Variants in ZNF462 observed in about 807,000 individuals in gnomAD.
ZNF462 encodes the protein zinc finger protein 462.
A neutral mutation model predicts 201.9 loss-of-function variants in ZNF462; 10 were observed. The ratio of observed to expected loss-of-function variants is 0.05; its 90% CI spans 0.03 to 0.08. The LOEUF is 0.08. Ranked by LOEUF, ZNF462 falls within the 10% of genes least tolerant of loss-of-function variation. ZNF462 has a pLI of 1.00. For missense variants in ZNF462, 2,523 were observed against 3,168.3 expected, an observed-to-expected ratio of 0.80 and a Z score of 4.89; for synonymous variants, 1,227 against 1,193.3, an observed-to-expected ratio of 1.03 and a Z score of -0.58.
Position 106,993,224 on chromosome 9 carries a change from A to T in ZNF462, c.7056+8815A>T, listed in dbSNP as rs1564159240. ...TGCAAAGGTTATAAACCTCAGGAAC[A>T]TCTGTAAAGATGTCAGACTATATCA... On this transcript the variant is annotated intron_variant, in intron 10 of 12. Coordinates refer to ENST00000277225, the MANE Select transcript of ZNF462 (RefSeq NM_021224.6). This position sits in a 1 kb window ranked among gnomAD's most constrained non-coding sequence, Gnocchi z 4.0. 1.3e-5 allele frequency among the ~76,000 whole-genome samples: 2 copies of T among 152,156 alleles called. No homozygotes were observed. Among genetic ancestry groups the T allele is most frequent in the African/African-American group, 2.4e-5 (1 of 41,452 alleles).
rs1264774582 is a variant in ZNF462 at position 106,913,240 on chromosome 9, G to C, written c.-30-10114G>C. Among the ~76,000 whole-genome samples, 2 of 152,220 alleles carry C rather than the reference G, an allele frequency of 1.3e-5. No individual in the cohort carries two copies. Among genetic ancestry groups the C allele is most frequent in the African/African-American group, 2.4e-5 (1 of 41,448 alleles). On this transcript the variant is annotated intron_variant, in intron 1 of 12. Transcript: ENST00000277225. This position sits in a 1 kb window ranked among gnomAD's most constrained non-coding sequence, Gnocchi z 4.1. ...GTCTCAGTAGTCAGCTAACCACTGTGATGTGGCTTCATTAGCTTCATAAGC... is the reference window on the plus strand; with the variant it reads ...GTCTCAGTAGTCAGCTAACCACTGTCATGTGGCTTCATTAGCTTCATAAGC...
chr9:106,926,352 A>T lies in ZNF462; in HGVS notation c.2440A>T (p.Asn814Tyr). 6.2e-7 allele frequency: 1 copy of T among 1,614,214 alleles called. No individual in the cohort carries two copies. Among genetic ancestry groups the T allele is most frequent in the Non-Finnish European group, 8.5e-7 (1 of 1,180,034 alleles). The change falls in exon 3 of 13, where the codon AAT becomes TAT. Residue 814 changes from asparagine to tyrosine, a missense_variant. By Grantham distance (143) the Asn-to-Tyr change is moderately radical (BLOSUM62 -2). Coordinates refer to ENST00000277225, the MANE Select transcript of ZNF462 (RefSeq NM_021224.6). The surrounding 1 kb of genome is among the most constrained non-coding windows in gnomAD (Gnocchi z 7.9). ...AAACTTGAAAGATCACCAAGTTTCC[A>T]ATACTGCTCTGCTGAATACCCAAAC... is the stretch of plus-strand genomic sequence containing the variant. The part of the protein sequence containing the change: ...STNLKDHQVS[N>Y]TALLNTQTPI...
Position 106,927,894 on chromosome 9 carries a change from C to T in ZNF462, c.3982C>T (p.Leu1328Phe), listed in dbSNP as rs780494745. ...IYSHTEPNGL[L>F]LHYQRRHPEH... ...CTCCCATACGGAGCCCAACGGTTTG[C>T]TCCTGCATTACCAACGGAGGCATCC... Residue 1328 changes from leucine (L) to phenylalanine (F), a missense_variant, in exon 3 of 13, where the codon CTC (leucine) becomes TTC (phenylalanine). Leu to Phe is a conservative substitution (Grantham distance 22). This residue lies in a region of ZNF462 where 222 missense variants were observed against 271.6 expected (regional missense o/e 0.82). Coordinates refer to ENST00000277225, the MANE Select transcript of ZNF462 (RefSeq NM_021224.6). 4 of 1,614,176 alleles carry T rather than the reference C, an allele frequency of 2.5e-6. No homozygotes were observed. The highest frequency in any genetic ancestry group is 3.4e-6 in the Non-Finnish European group (4 of 1,180,046).
chr9:106,877,488 C>T (rs1238660043), intron 1 of ZNF462, among the ~76,000 whole-genome samples: 1 of 151,640 alleles, frequency 6.6e-6, no homozygotes, highest in Non-Finnish European at 1.5e-5. Context: ...CTCCTGGGTT[C>T]AAGTGATTCC....
intron 7 of ZNF462, among the ~76,000 whole-genome samples, chr9:106,949,078 G>C (rs942038841): frequency 1.3e-5 from 2 of 152,180 alleles, no homozygotes; most frequent in Non-Finnish European, 2.9e-5. Context: ...ATTACAGACT[G>C]CCTAGACTGT....
At chr9:106,864,379 G>A (rs1244535889) in intron 1 of ZNF462, among the ~76,000 whole-genome samples, 2 of 151,882 alleles carry the variant, frequency 1.3e-5, no homozygotes, top group Admixed American at 6.6e-5. Flanking sequence ...GCAGGGGCCT[G>A]GGGGGGCGTC....
At chr9:106,898,553 A>C (rs530044827) in intron 1 of ZNF462, among the ~76,000 whole-genome samples, 12 of 152,184 alleles carry the variant, frequency 7.9e-5, no homozygotes, top group Non-Finnish European at 1.8e-4. Flanking sequence ...ATATCCTACA[A>C]TGCCCAGGAC....
intron 1 of ZNF462, among the ~76,000 whole-genome samples, chr9:106,877,322 T>TTTTA (rs1827876984): frequency 7.2e-6 from 1 of 139,746 alleles, no homozygotes; most frequent in African/African-American, 2.7e-5. Flanking sequence ...TTTTTTTTTT[T>TTTTA]ACATTTGGGA....
chr9:106,881,301 G>C (rs74370605), intron 1 of ZNF462, among the ~76,000 whole-genome samples: 6,583 of 152,214 alleles, frequency 0.043, 184 homozygotes, highest in Non-Finnish European at 0.066. Context: ...CACATCGAAG[G>C]GGGACCCTTT....
chr9:106,948,772 A>G (rs996243859), intron 7 of ZNF462, among the ~76,000 whole-genome samples: 1 of 152,056 alleles, frequency 6.6e-6, no homozygotes, highest in Middle Eastern at 3.2e-3. Flanking sequence ...ATAGCTTTGA[A>G]ATATAAGGAT....
intron 7 of ZNF462, among the ~76,000 whole-genome samples, chr9:106,957,667 A>G (rs1831641378): frequency 1.3e-5 from 2 of 152,194 alleles, no homozygotes; most frequent in South Asian, 4.1e-4. Context: ...TTGCAAAATA[A>G]TATTTTGATC....
intron 10 of ZNF462, among the ~76,000 whole-genome samples, chr9:107,000,057 C>T (rs1395924422): frequency 6.6e-6 from 1 of 151,942 alleles, no homozygotes; most frequent in East Asian, 1.9e-4. Flanking sequence ...TAGGGAAGGT[C>T]TCCCAGAAGA....
At position 106,913,475 on chromosome 9, in the gene ZNF462, C is replaced by G. The variant is rs1217755237; in HGVS notation, c.-30-9879C>G. On this transcript the variant is annotated intron_variant, in intron 1 of 12. Transcript: ENST00000277225. This position sits in a 1 kb window ranked among gnomAD's most constrained non-coding sequence, Gnocchi z 4.1. The stretch of plus-strand genomic sequence containing the variant: ...TAAAAAAGAACGTATTACTTGTCCT[C>G]TGAAGAGTGACTTATAGTAGCCTGG... 1.3e-5 allele frequency among the ~76,000 whole-genome samples: 2 copies of G among 152,142 alleles called. No individual in the cohort carries two copies. Among genetic ancestry groups the G allele is most frequent in the Admixed American group, 1.3e-4 (2 of 15,270 alleles).
chr9:106,976,824 T>TG (rs1554714215), intron 9 of ZNF462, among the ~76,000 whole-genome samples: 1 of 152,222 alleles, frequency 6.6e-6, no homozygotes, highest in Non-Finnish European at 1.5e-5. Context: ...GGATGACTGT[T>TG]ATCCCCCATG....
At chr9:106,967,859 A>C (rs12005883) in intron 7 of ZNF462, among the ~76,000 whole-genome samples, 1 of 151,750 alleles carries the variant, frequency 6.6e-6, no homozygotes, top group Non-Finnish European at 1.5e-5. Flanking sequence ...GAAATTTCAG[A>C]TATTCTTTCT....
rs1399797845 is a variant in ZNF462, at chr9:106,926,835, C to G, written c.2923C>G (p.Gln975Glu). 6.2e-7 allele frequency: 1 copy of G among 1,614,194 alleles called. No individual in the cohort carries two copies. Among genetic ancestry groups the G allele is most frequent in the South Asian group, 1.1e-5 (1 of 91,076 alleles). ...GCAGGAAGGGCTGAATACAGAATCC[C>G]AGACCCTGAGGGAGATTCTGAATTC... ...EQQEGLNTES[Q>E]TLREILNSAP... The change falls in exon 3 of 13, where the codon CAG (glutamine) becomes GAG (glutamate). Residue 975 changes from glutamine to glutamate, a missense_variant. By Grantham distance (29) the Gln-to-Glu change is conservative (BLOSUM62 2). Around this residue, in one of 15 missense-constraint regions of ZNF462, gnomAD observed 280 missense variants for 321.3 expected, o/e 0.87. Coordinates refer to ENST00000277225, the MANE Select transcript of ZNF462 (RefSeq NM_021224.6). This position sits in a 1 kb window ranked among gnomAD's most constrained non-coding sequence, Gnocchi z 7.9.
rs1392011357 is a variant in ZNF462, at chr9:106,938,134, A to G, written c.6236-782A>G. Among the ~76,000 whole-genome samples the G allele has an allele frequency of 2.0e-5, 3 of 152,206 alleles. No individual in the cohort carries two copies. Among genetic ancestry groups the G allele is most frequent in the Non-Finnish European group, 2.9e-5 (2 of 68,034 alleles). The stretch of plus-strand genomic sequence containing the variant: ...AATCACACTTTAACTTAATTTGGTC[A>G]TGGTGATCTGTGTTGTATTTCAGTG... On this transcript the variant is annotated intron_variant, in intron 6 of 12. Coordinates refer to ENST00000277225, the MANE Select transcript of ZNF462 (RefSeq NM_021224.6). The surrounding 1 kb of genome is among the most constrained non-coding windows in gnomAD (Gnocchi z 4.4).
rs1829626360 is a variant in ZNF462 at position 106,913,251 on chromosome 9, A to G, written c.-30-10103A>G. Reference sequence around the variant, plus strand: ...CAGCTAACCACTGTGATGTGGCTTCATTAGCTTCATAAGCACTAGGTTTTG... The same window carrying G: ...CAGCTAACCACTGTGATGTGGCTTCGTTAGCTTCATAAGCACTAGGTTTTG... On this transcript the variant is annotated intron_variant, in intron 1 of 12. Transcript: ENST00000277225. This position sits in a 1 kb window ranked among gnomAD's most constrained non-coding sequence, Gnocchi z 4.1. Among the ~76,000 whole-genome samples the G allele has an allele frequency of 6.6e-6, 1 of 152,244 alleles. No individual in the cohort carries two copies.
Position 106,872,940 on chromosome 9 carries a change from C to T in ZNF462, c.-31+9585C>T, listed in dbSNP as rs537035360. Among the ~76,000 whole-genome samples the T allele has an allele frequency of 6.6e-5, 10 of 151,988 alleles. No homozygotes were observed. Among genetic ancestry groups the T allele is most frequent in the African/African-American group, 2.2e-4 (9 of 41,446 alleles). On this transcript the variant is annotated intron_variant, in intron 1 of 12. Transcript: ENST00000277225. The surrounding 1 kb of genome is among the most constrained non-coding windows in gnomAD (Gnocchi z 4.5). Reference sequence around the variant, plus strand: ...TAATATGAACCAGGGACTGTTCATACGGTAGAGGAAACTGAGGTTTAGGGA... The same window carrying T: ...TAATATGAACCAGGGACTGTTCATATGGTAGAGGAAACTGAGGTTTAGGGA...
Sources: allele counts gnomAD v4.1 joint callset (sites outside exome capture counted in the v4.1 genomes callset), GRCh38; gene constraint gnomAD v4.1.1; regional missense constraint gnomAD v4.1.1; non-coding constraint Gnocchi (gnomAD v3.1); transcripts MANE v1.5; gene names NCBI Gene and HGNC (gene_info 2026-07-23, HGNC 2026-07-21).